The following ROBO2 variants were observed in gnomAD, a reference collection of about 807,000 sequenced individuals.
ROBO2 encodes roundabout homolog 2.
In ROBO2, 53 loss-of-function variants were observed where a neutral mutation model predicts 160.8. That is an observed-to-expected ratio of 0.33 (90% CI 0.26 to 0.41). The LOEUF is 0.41. Among genes scored for constraint, ROBO2 ranks in the 10% least tolerant of loss-of-function variants. The probability of loss-of-function intolerance (pLI) is 1.00; values close to 1 mark genes in which losing one functional copy is unlikely to be tolerated. For synonymous variants in ROBO2, 664 were observed against 611.7 expected (o/e 1.09, Z -1.26); for missense variants, 1,577 against 1,722.4 (o/e 0.92, Z 1.49).
At chr3:76,026,657 A>G (rs2066756862) in intron 2 of ROBO2, among the ~76,000 whole-genome samples, 1 of 151,984 alleles carries the variant, frequency 6.6e-6, no homozygotes, top group Non-Finnish European at 1.5e-5. Context: ...ACATGTTCTT[A>G]CATTCTTTGA....
At chr3:77,213,687 A>C (rs1364912703) in intron 2 of ROBO2, among the ~76,000 whole-genome samples, 1 of 151,360 alleles carries the variant, frequency 6.6e-6, no homozygotes, top group East Asian at 1.9e-4. Flanking sequence ...TCAATTTTAG[A>C]TCTTTCCTGC....
chr3:76,700,323 G>A (rs2093021657), intron 2 of ROBO2, among the ~76,000 whole-genome samples: 1 of 152,000 alleles, frequency 6.6e-6, no homozygotes, highest in Non-Finnish European at 1.5e-5. Context: ...CCTTCCCAAA[G>A]AGCGATGTTT....
chr3:76,686,777 G>T (rs2092694965), intron 2 of ROBO2, among the ~76,000 whole-genome samples: 1 of 151,560 alleles, frequency 6.6e-6, no homozygotes, highest in African/African-American at 2.4e-5. Flanking sequence ...GGCAAACAAG[G>T]CAAGAGACCC....
At chr3:77,386,579 GTTAA>G (rs1337142606) in intron 2 of ROBO2, among the ~76,000 whole-genome samples, 1 of 118,502 alleles carries the variant, frequency 8.4e-6, no homozygotes, top group Non-Finnish European at 1.8e-5. Context: ...AAAACTCAGA[GTTAA>G]TTATTTTTTC....
At chr3:76,046,223 C>A (rs1336960732) in intron 2 of ROBO2, among the ~76,000 whole-genome samples, 1 of 151,970 alleles carries the variant, frequency 6.6e-6, no homozygotes, top group Non-Finnish European at 1.5e-5. Flanking sequence ...ATCACAAATT[C>A]ACTGCAGCTT....
intron 2 of ROBO2, among the ~76,000 whole-genome samples, chr3:76,057,267 T>C (rs1462213499): frequency 6.6e-6 from 1 of 152,182 alleles, no homozygotes. Flanking sequence ...CTTAAAGTCA[T>C]TTAGACTCTC....
At chr3:76,882,673 T>C (rs1264713551) in intron 2 of ROBO2, among the ~76,000 whole-genome samples, 2 of 152,224 alleles carry the variant, frequency 1.3e-5, no homozygotes, top group Admixed American at 6.5e-5. Flanking sequence ...AGTAAGGTTA[T>C]ATGCTTTTAA....
At chr3:77,631,514 T>C (rs2095162377) in intron 23 of ROBO2, 1 of 152,202 alleles carries the variant, frequency 6.6e-6, no homozygotes, top group Non-Finnish European at 1.5e-5. Context: ...CAATACTTGG[T>C]AGTTTTTTGT....
intron 2 of ROBO2, among the ~76,000 whole-genome samples, chr3:76,100,159 T>C (rs1421242850): frequency 6.6e-6 from 1 of 152,220 alleles, no homozygotes; most frequent in Non-Finnish European, 1.5e-5. Context: ...TGCACAATTC[T>C]TTCAGCTTTA....
At position 77,043,000 on chromosome 3, in the gene ROBO2, A is replaced by G. The variant is rs151207206; in HGVS notation, c.61+2154A>G. On this transcript the variant is annotated intron_variant, in intron 1 of 25. Coordinates refer to ENST00000461745, the Ensembl canonical transcript of ROBO2. Reference sequence around the variant, plus strand: ...GTCAAAAGCAAAGGAAACCCTGGACACTCTTACTAAATTAATATGTAAATC... The same window carrying G: ...GTCAAAAGCAAAGGAAACCCTGGACGCTCTTACTAAATTAATATGTAAATC... 6.4e-3 allele frequency among the ~76,000 whole-genome samples: 979 copies of G among 152,318 alleles called. 6 individuals carry two copies. Among genetic ancestry groups the G allele is most frequent in the African/African-American group, 0.022 (931 of 41,576 alleles).
intron 2 of ROBO2, chr3:77,317,005 T>C: frequency 6.6e-7 from 1 of 1,526,106 alleles, no homozygotes; most frequent in South Asian, 1.1e-5. Context: ...CTCCAACTTC[T>C]TGTTCACCTT....
chr3:77,524,790 T>G (rs2090969598), intron 6 of ROBO2, among the ~76,000 whole-genome samples: 1 of 150,842 alleles, frequency 6.6e-6, no homozygotes, highest in Admixed American at 6.6e-5. Context: ...TTTCAATAGT[T>G]TTTTTTTTCT....
intron 2 of ROBO2, among the ~76,000 whole-genome samples, chr3:77,236,162 T>C (rs1288182857): frequency 6.6e-6 from 1 of 152,180 alleles, no homozygotes; most frequent in African/African-American, 2.4e-5. Flanking sequence ...ACATTGGCAG[T>C]TCTGTCTGGA....
At chr3:77,353,142 C>T (rs1182412752) in intron 2 of ROBO2, among the ~76,000 whole-genome samples, 1 of 151,556 alleles carries the variant, frequency 6.6e-6, no homozygotes, top group African/African-American at 2.4e-5. Flanking sequence ...TACAACCAAC[C>T]CCCTTTATGA....
chr3:76,965,921 C>CTTTTT (rs1168083048), intron 2 of ROBO2, among the ~76,000 whole-genome samples: 2 of 114,118 alleles, frequency 1.8e-5, no homozygotes, highest in African/African-American at 3.3e-5. Context: ...GGCATATTTT[C>CTTTTT]TTTTTTTTTT....
At chr3:76,863,075 CTTA>C (rs1023446498) in intron 2 of ROBO2, among the ~76,000 whole-genome samples, 1 of 152,046 alleles carries the variant, frequency 6.6e-6, no homozygotes, top group Non-Finnish European at 1.5e-5. Context: ...TTCTATATTT[CTTA>C]TTATAAAGGG....
intron 2 of ROBO2, among the ~76,000 whole-genome samples, chr3:76,732,474 G>A (rs966265327): frequency 4.6e-5 from 7 of 152,140 alleles, no homozygotes; most frequent in East Asian, 3.9e-4. Context: ...AGGAGGCAGC[G>A]TGTGGGAAAT....
intron 2 of ROBO2, among the ~76,000 whole-genome samples, chr3:77,467,799 G>C (rs776712934): frequency 1.3e-5 from 2 of 151,686 alleles, no homozygotes; most frequent in Non-Finnish European, 2.9e-5. Context: ...TAAGTTGACT[G>C]TATTATATCT....
At chr3:76,213,939 A>C (rs1351809590) in intron 2 of ROBO2, among the ~76,000 whole-genome samples, 1 of 152,198 alleles carries the variant, frequency 6.6e-6, no homozygotes, top group Non-Finnish European at 1.5e-5. Context: ...GATGATATAG[A>C]TATAGATATA....
Sources: allele counts gnomAD v4.1 joint callset (sites outside exome capture counted in the v4.1 genomes callset), GRCh38; gene constraint gnomAD v4.1.1; transcripts MANE v1.5; gene names NCBI Gene and HGNC (gene_info 2026-07-23, HGNC 2026-07-21).